Variants in NEGR1 observed in about 807,000 individuals in gnomAD.
NEGR1 encodes the protein neuronal growth regulator 1.
A neutral mutation model predicts 40.9 loss-of-function variants in NEGR1; 10 were observed. That is an observed-to-expected ratio of 0.24 (90% CI 0.15 to 0.42). The LOEUF (loss-of-function observed/expected upper bound fraction) is 0.42. Ranked by LOEUF, NEGR1 falls within the 10% of genes least tolerant of loss-of-function variation. The pLI, the probability that NEGR1 is intolerant of heterozygous loss-of-function variation, is 1.00. For missense variants in NEGR1, 352 were observed against 438.9 expected, an observed-to-expected ratio of 0.80 and a Z score of 1.77; for synonymous variants, 185 against 166.8, an observed-to-expected ratio of 1.11 and a Z score of -0.84.
At chr1:71,964,550 C>T (rs944392373) in intron 1 of NEGR1, among the ~76,000 whole-genome samples, 1 of 152,128 alleles carries the variant, frequency 6.6e-6, no homozygotes, top group Non-Finnish European at 1.5e-5. Flanking sequence ...CTCAGCCATT[C>T]GAGTCACATC....
chr1:72,280,751 G>C (rs912092004), intron 1 of NEGR1, among the ~76,000 whole-genome samples: 4 of 152,178 alleles, frequency 2.6e-5, no homozygotes, highest in African/African-American at 9.7e-5. Context: ...TCCAAAAGGT[G>C]TAAGTCATAT....
rs999699909 is a variant in NEGR1, at chr1:71,569,212, G to A, written c.940+23605C>T. Among the ~76,000 whole-genome samples, 241 of 152,140 alleles carry A rather than the reference G, an allele frequency of 1.6e-3. 2 individuals carry two copies. The highest frequency in any genetic ancestry group is 3.4e-4 in the Non-Finnish European group (23 of 67,982). On this transcript the variant is annotated intron_variant, in intron 6 of 6. Transcript: ENST00000357731. The stretch of plus-strand genomic sequence containing the variant: ...ATTACAGGTGTGAGCCACTGTACCC[G>A]GCCAGCAAGGATCCTTTTTAAGCCT...
At chr1:71,975,934 A>C (rs1211970576) in intron 1 of NEGR1, among the ~76,000 whole-genome samples, 1 of 152,234 alleles carries the variant, frequency 6.6e-6, no homozygotes, top group African/African-American at 2.4e-5. Context: ...TGGAGAGAGC[A>C]AACTACTTAT....
At chr1:72,193,370 A>C (rs968812343) in intron 1 of NEGR1, among the ~76,000 whole-genome samples, 3 of 151,868 alleles carry the variant, frequency 2.0e-5, no homozygotes, top group African/African-American at 7.2e-5. Flanking sequence ...CAAGCACACA[A>C]TCAGGAATAT....
intron 1 of NEGR1, among the ~76,000 whole-genome samples, chr1:72,022,554 TA>T (rs1045729591): frequency 3.3e-5 from 5 of 150,076 alleles, no homozygotes; most frequent in African/African-American, 9.7e-5. Context: ...AACACACACA[TA>T]TATATATAAT....
intron 5 of NEGR1, among the ~76,000 whole-genome samples, chr1:71,602,481 G>T (rs569873780): frequency 1.8e-3 from 265 of 151,392 alleles, no homozygotes; most frequent in Admixed American, 3.1e-3. Flanking sequence ...TCGATCTCCT[G>T]ACCTCGTGAT....
At chr1:72,175,110 C>T (rs1652117325) in intron 1 of NEGR1, among the ~76,000 whole-genome samples, 1 of 152,120 alleles carries the variant, frequency 6.6e-6, no homozygotes, top group African/African-American at 2.4e-5. Flanking sequence ...AATGCTATCC[C>T]TCCCCCCTTC....
At chr1:72,214,300 C>G (rs545340720) in intron 1 of NEGR1, among the ~76,000 whole-genome samples, 8 of 151,894 alleles carry the variant, frequency 5.3e-5, no homozygotes, top group African/African-American at 1.9e-4. Flanking sequence ...TTTTGAAAAC[C>G]GGCACAAGAC....
chr1:71,814,201 CT>C (rs1557662581), intron 2 of NEGR1, among the ~76,000 whole-genome samples: 3 of 151,456 alleles, frequency 2.0e-5, no homozygotes, highest in Admixed American at 2.0e-4. Flanking sequence ...CGGTTTTTGT[CT>C]TTAGTTCTCT....
chr1:72,101,449 G>A (rs1648934493), intron 1 of NEGR1, among the ~76,000 whole-genome samples: 1 of 152,114 alleles, frequency 6.6e-6, no homozygotes, highest in South Asian at 2.1e-4. Context: ...TGTGCCAAAT[G>A]AAGTTTGGCA....
chr1:71,757,539 G>T (rs1655785094), intron 3 of NEGR1, among the ~76,000 whole-genome samples: 1 of 151,984 alleles, frequency 6.6e-6, no homozygotes, highest in South Asian at 2.1e-4. Flanking sequence ...CTGTGTGAAA[G>T]ACTCTTTTCT....
chr1:71,592,962 G>T lies in NEGR1; in HGVS notation c.795C>A (p.Phe265Leu). 6.2e-7 allele frequency: 1 copy of T among 1,606,878 alleles called. No homozygotes were observed. Among genetic ancestry groups the T allele is most frequent in the South Asian group, 1.1e-5 (1 of 90,886 alleles). The part of the protein sequence containing the change: ...FEWYKGEKKL[F>L]NGQQGIIIQN... The stretch of plus-strand genomic sequence containing the variant: ...GAATAATAATTCCTTGTTGGCCATT[G>T]AAGAGCCTAGAAGACAAAATAAGCT... Residue 265 changes from phenylalanine to leucine, a missense_variant, in exon 6 of 7, where the codon TTC (phenylalanine) becomes TTA (leucine). Transcript: ENST00000357731.
chr1:71,916,779 A>T (rs1661598274), intron 2 of NEGR1, among the ~76,000 whole-genome samples: 1 of 152,092 alleles, frequency 6.6e-6, no homozygotes, highest in Non-Finnish European at 1.5e-5. Flanking sequence ...AAACAAAACA[A>T]AACAAAAACC....
At chr1:72,199,149 A>AGAGG (rs1653108503) in intron 1 of NEGR1, among the ~76,000 whole-genome samples, 1 of 105,242 alleles carries the variant, frequency 9.5e-6, no homozygotes, top group South Asian at 2.4e-4. Flanking sequence ...AGATAGACAG[A>AGAGG]CAGAGAGAGA....
At chr1:71,568,451 C>A (rs1166349124) in intron 6 of NEGR1, among the ~76,000 whole-genome samples, 1 of 152,118 alleles carries the variant, frequency 6.6e-6, no homozygotes, top group Non-Finnish European at 1.5e-5. Flanking sequence ...CCCTGAGGAC[C>A]TTGGAGGTTA....
Position 71,592,942 on chromosome 1 carries a change from A to C in NEGR1, c.815T>G (p.Ile272Ser). ...KKLFNGQQGI[I>S]IQNFSTRSIL... ...GGATCTTGTGCTAAAATTTTGAATA[A>C]TAATTCCTTGTTGGCCATTGAAGAG... The change falls in exon 6 of 7, where the codon ATT becomes AGT. Residue 272 changes from isoleucine to serine, a missense_variant. By Grantham distance (142) the Ile-to-Ser change is moderately radical (BLOSUM62 -2). Transcript: ENST00000357731. 6.2e-6 allele frequency: 10 copies of C among 1,612,078 alleles called. No homozygotes were observed. Among genetic ancestry groups the C allele is most frequent in the Non-Finnish European group, 8.5e-6 (10 of 1,178,274 alleles).
At chr1:71,724,772 G>A (rs549580378) in intron 3 of NEGR1, among the ~76,000 whole-genome samples, 1 of 152,116 alleles carries the variant, frequency 6.6e-6, no homozygotes, top group African/African-American at 2.4e-5. Flanking sequence ...TCTGGTATTT[G>A]CTTCATATGT....
intron 4 of NEGR1, among the ~76,000 whole-genome samples, chr1:71,634,474 GTAGGACTCTTCCA>G (rs1651075441): frequency 6.6e-6 from 1 of 152,090 alleles, no homozygotes; most frequent in African/African-American, 2.4e-5. Context: ...CATAGATGAG[GTAGGACTCTTCCA>G]TATTGTTATT....
intron 1 of NEGR1, among the ~76,000 whole-genome samples, chr1:72,109,694 G>A (rs1649279560): frequency 6.6e-6 from 1 of 151,542 alleles, no homozygotes. Flanking sequence ...AAGACAACTA[G>A]GAGAAAATTA....
Sources: gnomAD v4.1 joint callset for allele counts (sites outside exome capture counted in the v4.1 genomes callset) on GRCh38, gnomAD v4.1.1 for gene constraint, MANE v1.5 for transcripts, NCBI Gene and HGNC (gene_info 2026-07-23, HGNC 2026-07-21) for gene names.